TAF1B: variants seen among roughly 807,000 people sequenced by gnomAD.
The protein encoded by TAF1B is TATA box-binding protein-associated factor RNA polymerase I subunit B.
A neutral mutation model predicts 83.9 loss-of-function variants in TAF1B; 61 were observed. That is an observed-to-expected ratio of 0.73 (90% CI 0.59 to 0.90). The LOEUF is 0.90. Ranked by LOEUF, TAF1B falls within the 40% of genes least tolerant of loss-of-function variation. The pLI is 0.00. For synonymous variants in TAF1B, 221 were observed against 224.6 expected (o/e 0.98, Z 0.14); for missense variants, 625 against 677.0 (o/e 0.92, Z 0.85).
At chr2:9,930,705 A>G (rs1035446443) in intron 14 of TAF1B, among the ~76,000 whole-genome samples, 10 of 152,036 alleles carry the variant, frequency 6.6e-5, no homozygotes, top group African/African-American at 2.4e-4. Context: ...GCTGAGTTCA[A>G]GTCCTGGATA....
chr2:9,907,093 C>T (rs891728575), intron 9 of TAF1B, among the ~76,000 whole-genome samples: 1 of 151,376 alleles, frequency 6.6e-6, no homozygotes, highest in African/African-American at 2.4e-5. Context: ...TTGCCATGTT[C>T]TCCAGGCTGG....
chr2:9,856,322 G>A (rs1663566369), intron 5 of TAF1B, among the ~76,000 whole-genome samples: 1 of 151,708 alleles, frequency 6.6e-6, no homozygotes, highest in Non-Finnish European at 1.5e-5. Flanking sequence ...AAAAAGGCAG[G>A]GGAATAACCT....
At chr2:9,882,350 G>C (rs1295499697) in intron 7 of TAF1B, among the ~76,000 whole-genome samples, 1 of 152,042 alleles carries the variant, frequency 6.6e-6, no homozygotes, top group Non-Finnish European at 1.5e-5. Context: ...CGCTTGCCTT[G>C]GCCTCCCAAA....
Position 9,868,186 on chromosome 2 carries a change from G to T in TAF1B, c.400-90G>T, listed in dbSNP as rs888671873. The T allele has an allele frequency of 6.3e-5, 87 of 1,370,342 alleles. 3 individuals carry two copies. The South Asian group carries it at 8.0e-4, about 13-fold the overall frequency. 84.9% of individuals were successfully genotyped at this position (1,370,342 alleles called of 1,614,324 possible). On this transcript the variant is annotated intron_variant, in intron 5 of 14. Transcript: ENST00000263663. ...AGTTTTCTAGAGTGGTTTCTTTTAG[G>T]GTGTTTGTGATAGGAGTTGTTTAAG... is the stretch of plus-strand genomic sequence containing the variant.
At chr2:9,855,423 A>G (rs1037207984) in intron 5 of TAF1B, among the ~76,000 whole-genome samples, 9 of 152,226 alleles carry the variant, frequency 5.9e-5, no homozygotes, top group African/African-American at 2.2e-4. Flanking sequence ...TCATACCTGT[A>G]ATCCCAACAC....
At chr2:9,893,881 T>C (rs1387916459) in intron 8 of TAF1B, among the ~76,000 whole-genome samples, 3 of 152,176 alleles carry the variant, frequency 2.0e-5, no homozygotes, top group African/African-American at 7.2e-5. Flanking sequence ...AATGTTTTAG[T>C]TCTTAAGTTG....
At chr2:9,891,034 A>G (rs1262032076) in intron 8 of TAF1B, among the ~76,000 whole-genome samples, 1 of 152,204 alleles carries the variant, frequency 6.6e-6, no homozygotes, top group East Asian at 1.9e-4. Flanking sequence ...AGCCTCCCCA[A>G]GTGCTGGGAT....
chr2:9,870,132 T>C (rs1261410426), intron 6 of TAF1B, among the ~76,000 whole-genome samples: 1 of 152,130 alleles, frequency 6.6e-6, no homozygotes, highest in African/African-American at 2.4e-5. Flanking sequence ...AAATCAAAAC[T>C]CTACAAATCA....
intron 6 of TAF1B, among the ~76,000 whole-genome samples, chr2:9,871,184 A>G (rs182272357): frequency 3.9e-5 from 6 of 152,000 alleles, no homozygotes; most frequent in African/African-American, 1.4e-4. Flanking sequence ...GGTTCATGCC[A>G]TTCTCCTGTC....
At chr2:9,890,212 T>G (rs1353391629) in intron 8 of TAF1B, among the ~76,000 whole-genome samples, 2 of 152,218 alleles carry the variant, frequency 1.3e-5, no homozygotes, top group African/African-American at 4.8e-5. Context: ...GGCCATTTGT[T>G]TCTCTTCTCT....
chr2:9,857,195 C>T (rs928345750), intron 5 of TAF1B, among the ~76,000 whole-genome samples: 2 of 152,148 alleles, frequency 1.3e-5, no homozygotes, highest in African/African-American at 4.8e-5. Context: ...TGCAGAATTT[C>T]AGGTCTTACC....
chr2:9,883,051 G>A (rs1269128712), intron 8 of TAF1B, among the ~76,000 whole-genome samples: 4 of 152,196 alleles, frequency 2.6e-5, no homozygotes, highest in Non-Finnish European at 5.9e-5. Flanking sequence ...AGATAGGTAT[G>A]TTGTTGAGAC....
At chr2:9,925,589 G>GTT (rs70948854) in intron 14 of TAF1B, among the ~76,000 whole-genome samples, 33,218 of 147,236 alleles carry the variant, frequency 0.23, 4,590 homozygotes, top group East Asian at 0.31. Flanking sequence ...TGGGGTGTTT[G>GTT]TTTTTTTTTT....
At chr2:9,928,771 G>A (rs2125185853) in intron 14 of TAF1B, among the ~76,000 whole-genome samples, 1 of 152,324 alleles carries the variant, frequency 6.6e-6, no homozygotes, top group African/African-American at 2.4e-5. Flanking sequence ...TGAGATGATG[G>A]GGTTTTCTGA....
chr2:9,861,281 C>T (rs187241248), intron 5 of TAF1B, among the ~76,000 whole-genome samples: 7 of 152,246 alleles, frequency 4.6e-5, no homozygotes, highest in Non-Finnish European at 1.0e-4. Context: ...GCTTAACAAA[C>T]GGCACACCAG....
intron 10 of TAF1B, 59 bp from the exon 11 acceptor site, chr2:9,911,452 A>G: frequency 7.5e-7 from 1 of 1,340,124 alleles, no homozygotes; most frequent in Admixed American, 2.5e-5. Flanking sequence ...AGAATTCAGA[A>G]TTTATCTTTC....
At chr2:9,862,218 A>G (rs1055290031) in intron 5 of TAF1B, among the ~76,000 whole-genome samples, 1 of 152,200 alleles carries the variant, frequency 6.6e-6, no homozygotes, top group Non-Finnish European at 1.5e-5. Flanking sequence ...ACAATTGGCT[A>G]ACTAGAATAA....
At chr2:9,910,469 C>T (rs1665487388) in intron 9 of TAF1B, among the ~76,000 whole-genome samples, 1 of 152,122 alleles carries the variant, frequency 6.6e-6, no homozygotes, top group South Asian at 2.1e-4. Flanking sequence ...GTGGATGAAA[C>T]AACTGGTATG....
chr2:9,870,131 C>T (rs907974327), intron 6 of TAF1B, among the ~76,000 whole-genome samples: 20 of 152,048 alleles, frequency 1.3e-4, no homozygotes, highest in Admixed American at 1.2e-3. Flanking sequence ...TAAATCAAAA[C>T]TCTACAAATC....
Sources: allele counts gnomAD v4.1 joint callset (sites outside exome capture counted in the v4.1 genomes callset), GRCh38; gene constraint gnomAD v4.1.1; transcripts MANE v1.5; gene names NCBI Gene and HGNC (gene_info 2026-07-23, HGNC 2026-07-21).